Variants in ENTREP2 observed in about 807,000 individuals in gnomAD.
ENTREP2 encodes the protein protein ENTREP2.
At chr15:29,531,132 A>G in the ENTREP2 span, among the ~76,000 whole-genome samples, 4 of 151,982 alleles carry the variant, frequency 2.6e-5, no homozygotes, top group African/African-American at 9.7e-5. Flanking sequence ...CCTTCCCCCC[A>G]GTTTTCTTCT....
chr15:29,119,965 T>C, the ENTREP2 span, among the ~76,000 whole-genome samples: 23 of 152,188 alleles, frequency 1.5e-4, no homozygotes, highest in Non-Finnish European at 2.1e-4. Context: ...TAAGGAAACA[T>C]CTGAGCCATG....
At chr15:29,224,279 C>G in the ENTREP2 span, among the ~76,000 whole-genome samples, 1 of 152,088 alleles carries the variant, frequency 6.6e-6, no homozygotes, top group African/African-American at 2.4e-5. Context: ...AGCTGCAGAC[C>G]TTCGCAGTGA....
At chr15:29,270,008 A>G in the ENTREP2 span, among the ~76,000 whole-genome samples, 13 of 152,164 alleles carry the variant, frequency 8.5e-5, no homozygotes, top group Non-Finnish European at 1.8e-4. Flanking sequence ...GAAACTCCTA[A>G]ACAAGTGTGT....
chr15:29,207,455 C>CGGGTGGGGGGG, the ENTREP2 span, among the ~76,000 whole-genome samples: 3 of 123,088 alleles, frequency 2.4e-5, no homozygotes, highest in South Asian at 2.7e-4. Context: ...GGTTGGGGGG[C>CGGGTGGGGGGG]GGGGGGGGTG....
the ENTREP2 span, among the ~76,000 whole-genome samples, chr15:29,673,149 A>G: frequency 6.6e-6 from 1 of 152,156 alleles, no homozygotes; most frequent in African/African-American, 2.4e-5. Flanking sequence ...AAACATTATA[A>G]TTAGAGTATA....
chr15:29,304,013 TG>T, the ENTREP2 span, among the ~76,000 whole-genome samples: 5 of 152,172 alleles, frequency 3.3e-5, no homozygotes, highest in African/African-American at 9.6e-5. Flanking sequence ...CCCAAGTAGC[TG>T]GGACTACAGA....
the ENTREP2 span, among the ~76,000 whole-genome samples, chr15:29,285,880 T>C: frequency 2.0e-5 from 3 of 152,068 alleles, no homozygotes; most frequent in East Asian, 3.9e-4. Context: ...GGAAATAAGG[T>C]TGGTTCAACA....
chr15:29,556,766 C>CA, the ENTREP2 span, among the ~76,000 whole-genome samples: 1 of 111,576 alleles, frequency 9.0e-6, no homozygotes, highest in Non-Finnish European at 2.0e-5. Context: ...GCAGGTGCCC[C>CA]CCCCCCGCCC....
the ENTREP2 span, among the ~76,000 whole-genome samples, chr15:29,423,811 T>G: frequency 1.9e-4 from 28 of 150,678 alleles, no homozygotes; most frequent in African/African-American, 6.3e-4. Flanking sequence ...AAAAATTTGA[T>G]TTTTTTCTAA....
chr15:29,178,602 G>C, the ENTREP2 span, among the ~76,000 whole-genome samples: 1 of 151,812 alleles, frequency 6.6e-6, no homozygotes, highest in African/African-American at 2.4e-5. Flanking sequence ...CACATATCCT[G>C]GTCATCTTCC....
the ENTREP2 span, among the ~76,000 whole-genome samples, chr15:29,167,498 G>T: frequency 6.6e-6 from 1 of 152,064 alleles, no homozygotes; most frequent in South Asian, 2.1e-4. Context: ...TCCCATCAAA[G>T]AGTGGGCTGA....
At chr15:29,155,711 C>G in the ENTREP2 span, among the ~76,000 whole-genome samples, 2 of 152,202 alleles carry the variant, frequency 1.3e-5, no homozygotes, top group Non-Finnish European at 2.9e-5. Flanking sequence ...TGGAAACTGT[C>G]TCAAGGCAGT....
the ENTREP2 span, among the ~76,000 whole-genome samples, chr15:29,598,346 G>GT: frequency 4.4e-3 from 664 of 152,300 alleles, 3 homozygotes; most frequent in Admixed American, 7.3e-3. Flanking sequence ...AACAAATTAT[G>GT]TTTAACTACA....
chr15:29,269,298 G>A, the ENTREP2 span: 1 of 1,614,200 alleles, frequency 6.2e-7, no homozygotes, highest in Non-Finnish European at 8.5e-7. Flanking sequence ...ACCCGAAGAC[G>A]TACTGGAGGC....
chr15:29,565,769 C>A, the ENTREP2 span, among the ~76,000 whole-genome samples: 3 of 152,068 alleles, frequency 2.0e-5, no homozygotes, highest in African/African-American at 7.2e-5. Context: ...AGAGACCATC[C>A]TGGCTAACAC....
At chr15:29,392,403 T>TA in the ENTREP2 span, among the ~76,000 whole-genome samples, 1 of 132,918 alleles carries the variant, frequency 7.5e-6, no homozygotes, top group Non-Finnish European at 1.5e-5. Flanking sequence ...TTTTTGGTGA[T>TA]AAACTCCCGT....
At chr15:29,136,681 G>A in the ENTREP2 span, among the ~76,000 whole-genome samples, 2 of 147,202 alleles carry the variant, frequency 1.4e-5, no homozygotes, top group East Asian at 4.0e-4. Context: ...TTTTTTTTCT[G>A]GAACGACATC....
the ENTREP2 span, among the ~76,000 whole-genome samples, chr15:29,584,445 G>A: frequency 7.5e-6 from 1 of 133,784 alleles, no homozygotes; most frequent in African/African-American, 3.1e-5. Context: ...GTGTGTGCAT[G>A]TGTGTGTGTG....
chr15:29,292,020 C>T, the ENTREP2 span, among the ~76,000 whole-genome samples: 1 of 152,184 alleles, frequency 6.6e-6, no homozygotes, highest in Non-Finnish European at 1.5e-5. Flanking sequence ...TCCAGGCTCC[C>T]ATCTCATGAT....
Sources: gnomAD v4.1 joint callset for allele counts (sites outside exome capture counted in the v4.1 genomes callset) on GRCh38, gnomAD v4.1.1 for gene constraint, MANE v1.5 for transcripts, NCBI Gene and HGNC (gene_info 2026-07-23, HGNC 2026-07-21) for gene names.